TSPAN19: variants seen among roughly 807,000 people sequenced by gnomAD.
TSPAN19 encodes the protein tetraspanin 19.
TSPAN19 carries 44 observed loss-of-function variants against 35.1 expected under a neutral mutation model. The ratio of observed to expected loss-of-function variants is 1.25; its 90% CI spans 0.98 to 1.61. TSPAN19 has a LOEUF of 1.61. Ranked by LOEUF, TSPAN19 falls within the 40% of genes most tolerant of loss-of-function variation. The pLI is 0.00. For synonymous variants in TSPAN19, 79 were observed against 92.0 expected, an observed-to-expected ratio of 0.86 and a Z score of 0.81; for missense variants, 290 against 280.0, an observed-to-expected ratio of 1.04 and a Z score of -0.26.
intron 4 of TSPAN19, among the ~76,000 whole-genome samples, chr12:85,023,914 T>C (rs183366038): frequency 1.3e-5 from 2 of 152,110 alleles, no homozygotes; most frequent in Admixed American, 1.3e-4. Flanking sequence ...TATTAGACTA[T>C]TTAATTTTTT....
intron 8 of TSPAN19, chr12:85,015,184 A>G (rs1237904338): frequency 1.3e-5 from 2 of 151,974 alleles, no homozygotes; most frequent in African/African-American, 4.8e-5. Flanking sequence ...TTTTAGTGGC[A>G]TAGTCCCCAC....
chr12:85,032,705 C>A (rs1877743952), intron 1 of TSPAN19, among the ~76,000 whole-genome samples: 1 of 152,100 alleles, frequency 6.6e-6, no homozygotes, highest in South Asian at 2.1e-4. Flanking sequence ...TCAATGAGAA[C>A]AATGACGTGC....
At chr12:85,029,689 A>G in intron 3 of TSPAN19, 30 bp downstream of exon 3, 1 of 1,478,684 alleles carries the variant, frequency 6.8e-7, no homozygotes, top group South Asian at 1.3e-5. Context: ...TGTCTATTTC[A>G]CTGAGAGAAA....
At chr12:85,031,055 G>GA (rs1193084600) in intron 1 of TSPAN19, among the ~76,000 whole-genome samples, 12 of 151,636 alleles carry the variant, frequency 7.9e-5, no homozygotes, top group Non-Finnish European at 1.0e-4. Flanking sequence ...TTGAAAAGTG[G>GA]AAAAAAAAGA....
intron 5 of TSPAN19, among the ~76,000 whole-genome samples, chr12:85,020,638 C>G (rs1877069429): frequency 1.3e-5 from 2 of 151,906 alleles, no homozygotes; most frequent in Admixed American, 6.6e-5. Flanking sequence ...TGACCCATTT[C>G]CCCTGAAGGT....
At chr12:85,030,095 A>G in intron 1 of TSPAN19, 122 bp from the exon 2 acceptor site, 5 of 759,680 alleles carry the variant, frequency 6.6e-6, no homozygotes, top group Non-Finnish European at 9.2e-6. Context: ...ACATACTTCC[A>G]TCTCTAAATG....
intron 4 of TSPAN19, among the ~76,000 whole-genome samples, chr12:85,024,935 A>G (rs571809371): frequency 2.0e-5 from 3 of 152,256 alleles, no homozygotes; most frequent in South Asian, 4.1e-4. Context: ...CATATTTTAT[A>G]CATCTAATAC....
intron 1 of TSPAN19, among the ~76,000 whole-genome samples, chr12:85,030,339 C>A (rs1284851786): frequency 1.3e-5 from 2 of 152,120 alleles, no homozygotes; most frequent in Middle Eastern, 3.4e-3. Context: ...TTATTTTAAT[C>A]CTAACCATTA....
intron 4 of TSPAN19, among the ~76,000 whole-genome samples, chr12:85,026,541 A>G (rs2135809544): frequency 6.6e-6 from 1 of 152,244 alleles, no homozygotes; most frequent in Non-Finnish European, 1.5e-5. Flanking sequence ...ATCAGGGTCC[A>G]TACCTAAAAT....
intron 1 of TSPAN19, among the ~76,000 whole-genome samples, chr12:85,034,388 TAACAAAGAACAAAC>T: frequency 6.6e-6 from 1 of 152,274 alleles, no homozygotes; most frequent in African/African-American, 2.4e-5. Context: ...TCTTGTCAGA[TAACAAAGAACAAAC>T]AGTTATCTCT....
intron 6 of TSPAN19, 68 bp downstream of exon 6, chr12:85,019,558 A>G (rs1027484874): frequency 4.1e-6 from 4 of 974,460 alleles, no homozygotes; most frequent in Non-Finnish European, 4.9e-6. Flanking sequence ...CCCTGCCCTG[A>G]CCTATTCTCT....
At position 85,019,809 on chromosome 12, in the gene TSPAN19, T is replaced by C. The variant is rs1877025562; in HGVS notation, c.340-73A>G. ...TAAAAATTTCATAGAAATTGATGGT[T>C]CCTCAAGAGTACCATCATGAAAAGA... On this transcript the variant is annotated intron_variant, in intron 5 of 8. Transcript: ENST00000532498. The C allele has an allele frequency of 1.1e-5, 8 of 711,694 alleles. No homozygotes were observed. The South Asian group carries it at 1.4e-4, about 12-fold the overall frequency. 44.1% of individuals were successfully genotyped at this position (711,694 alleles called of 1,614,324 possible). A position where few individuals can be genotyped will look rare whatever the true frequency, so the allele number is the denominator to read the frequency against.
At chr12:85,032,351 T>G (rs540086104) in intron 1 of TSPAN19, among the ~76,000 whole-genome samples, 87 of 152,186 alleles carry the variant, frequency 5.7e-4, no homozygotes, top group Non-Finnish European at 1.0e-3. Context: ...GAATTTGGAA[T>G]TTTTAAAGCT....
chr12:85,016,680 G>C (rs957218459), intron 7 of TSPAN19: 2 of 151,894 alleles, frequency 1.3e-5, no homozygotes, highest in Admixed American at 1.3e-4. Context: ...ACCCAGAACA[G>C]TGTGCAATTG....
chr12:85,024,000 T>G (rs2135804614), intron 4 of TSPAN19, among the ~76,000 whole-genome samples: 1 of 152,294 alleles, frequency 6.6e-6, no homozygotes, highest in South Asian at 2.1e-4. Flanking sequence ...AAATTATCTC[T>G]AAATATGTTG....
chr12:85,034,478 C>G (rs548212339), intron 1 of TSPAN19, among the ~76,000 whole-genome samples: 1 of 152,096 alleles, frequency 6.6e-6, no homozygotes, highest in East Asian at 1.9e-4. Context: ...ATTGTTAAGC[C>G]AATATGCTAT....
chr12:85,029,852 C>T (rs1473702706), intron 2 of TSPAN19, 29 bp downstream of exon 2: 1 of 1,511,618 alleles, frequency 6.6e-7, no homozygotes, highest in Non-Finnish European at 8.9e-7. Flanking sequence ...ATTACATTTT[C>T]TTTACTGTAT....
intron 1 of TSPAN19, among the ~76,000 whole-genome samples, chr12:85,030,523 T>C (rs1877634250): frequency 6.6e-6 from 1 of 152,076 alleles, no homozygotes; most frequent in Non-Finnish European, 1.5e-5. Context: ...CTCATTGACC[T>C]GTCTTCTTCC....
rs751138751 is a variant in TSPAN19 at position 85,023,371 on chromosome 12, AG to A, written c.293del (p.Ala98ValfsTer41). 5 of 1,588,794 alleles carry A rather than the reference AG, an allele frequency of 3.1e-6. No individual in the cohort carries two copies. Among genetic ancestry groups the A allele is most frequent in the Non-Finnish European group, 3.4e-6 (4 of 1,166,490 alleles). On this transcript the variant is annotated frameshift_variant, in exon 5 of 9. Transcript: ENST00000532498. LOFTEE classifies it high-confidence loss of function. Reference protein sequence around the residue: ...VYAVLITWTFAVQVVLSAFII... With the variant: ...VYAVLITWTFXVQVVLSAFII... Reference sequence around the variant, plus strand: ...TGAATGCTGAAAGTACAACCTGAACAGCAAAGGTCCATGTTATCAATACTGC... The same window carrying A: ...TGAATGCTGAAAGTACAACCTGAACACAAAGGTCCATGTTATCAATACTGC...
Sources: allele counts gnomAD v4.1 joint callset (sites outside exome capture counted in the v4.1 genomes callset), GRCh38; gene constraint gnomAD v4.1.1; transcripts MANE v1.5; gene names NCBI Gene and HGNC (gene_info 2026-07-23, HGNC 2026-07-21).